The following MOBP variants were observed in gnomAD, a reference collection of about 807,000 sequenced individuals.
The protein encoded by MOBP is myelin-associated oligodendrocyte basic protein.
In MOBP, 5 loss-of-function variants were observed where a neutral mutation model predicts 15.0. That is an observed-to-expected ratio of 0.33 (90% CI 0.17 to 0.70). MOBP has a LOEUF of 0.70. Among genes scored for constraint, MOBP ranks in the 30% least tolerant of loss-of-function variants. The probability of loss-of-function intolerance (pLI) is 0.67; values close to 1 mark genes in which losing one functional copy is unlikely to be tolerated. For synonymous variants in MOBP, 88 were observed against 99.0 expected, an observed-to-expected ratio of 0.89 and a Z score of 0.66; for missense variants, 188 against 257.8, an observed-to-expected ratio of 0.73 and a Z score of 1.85.
intron 1 of MOBP, among the ~76,000 whole-genome samples, chr3:39,469,234 G>GTGTGTGTATATACATATATACATA (rs2042429217): frequency 2.0e-5 from 1 of 48,878 alleles, no homozygotes. Flanking sequence ...ATATACATAT[G>GTGTGTGTATATACATATATACATA]TGTGTGTATA....
intron 1 of MOBP, among the ~76,000 whole-genome samples, chr3:39,478,318 A>T (rs1169560182): frequency 6.6e-6 from 1 of 152,248 alleles, no homozygotes; most frequent in Non-Finnish European, 1.5e-5. Context: ...TACAGTATTC[A>T]GTACAGTTAC....
chr3:39,485,817 C>G (rs923654845), intron 2 of MOBP, among the ~76,000 whole-genome samples: 1 of 152,194 alleles, frequency 6.6e-6, no homozygotes, highest in African/African-American at 2.4e-5. Flanking sequence ...AAGATGGACA[C>G]AAACGATGCT....
At chr3:39,524,065 G>A (rs1430665667) in intron 3 of MOBP, among the ~76,000 whole-genome samples, 2 of 152,210 alleles carry the variant, frequency 1.3e-5, no homozygotes, top group East Asian at 3.8e-4. Flanking sequence ...AAGAGAGGGA[G>A]GGGCTGGGAT....
downstream of MOBP, among the ~76,000 whole-genome samples, chr3:39,504,084 G>C (rs1179384368): frequency 1.3e-5 from 2 of 152,198 alleles, no homozygotes; most frequent in Non-Finnish European, 2.9e-5. Context: ...GAAATGTGGA[G>C]AGTGATAAAT....
At chr3:39,528,290 C>T (rs1378482852), downstream of MOBP, 1 of 152,096 alleles carries the variant, frequency 6.6e-6, no homozygotes, top group Non-Finnish European at 1.5e-5. Flanking sequence ...GAATATGGAA[C>T]AAGCTTATTT....
Position 39,502,605 on chromosome 3 carries a change from G to A in MOBP, c.277G>A (p.Ala93Thr). The change falls in exon 4 of 4, where the codon GCG (alanine) becomes ACG (threonine). Residue 93 changes from alanine (A) to threonine (T), a missense_variant. Ala to Thr is a moderately conservative substitution (Grantham distance 58). Around this residue, in one of 2 missense-constraint regions of MOBP, gnomAD observed 133 missense variants for 212.5 expected, o/e 0.63. Coordinates refer to ENST00000684792, the MANE Select transcript of MOBP (RefSeq NM_001393704.1). The surrounding 1 kb of genome is among the most constrained non-coding windows in gnomAD (Gnocchi z 6.3). ...QPAAPPAVVR[A>T]PAKPRSPPRS... is the part of the protein sequence containing the mutation. ...AGCTGCGCCCCCCGCGGTGGTCAGA[G>A]CGCCAGCCAAGCCACGGTCCCCTCC... is the stretch of plus-strand genomic sequence containing the variant. 1 of 1,563,094 alleles carries A rather than the reference G, an allele frequency of 6.4e-7. No individual in the cohort carries two copies. Among genetic ancestry groups the A allele is most frequent in the Non-Finnish European group, 8.6e-7 (1 of 1,164,040 alleles).
At chr3:39,469,941 T>G (rs758090565) in intron 1 of MOBP, among the ~76,000 whole-genome samples, 1 of 152,240 alleles carries the variant, frequency 6.6e-6, no homozygotes, top group Non-Finnish European at 1.5e-5. Flanking sequence ...GTGACCTGTA[T>G]GTGATCTTAT....
downstream of MOBP, among the ~76,000 whole-genome samples, chr3:39,507,647 C>A (rs2125662840): frequency 6.6e-6 from 1 of 152,306 alleles, no homozygotes; most frequent in South Asian, 2.1e-4. Context: ...TTAGGGCTGG[C>A]TGAGCTGAGC....
At chr3:39,473,191 G>A (rs1038308561) in intron 1 of MOBP, among the ~76,000 whole-genome samples, 1 of 152,210 alleles carries the variant, frequency 6.6e-6, no homozygotes, top group Non-Finnish European at 1.5e-5. Context: ...TGTGCTCTGG[G>A]TGGTTAAGGA....
chr3:39,499,767 C>G (rs1483319993), intron 2 of MOBP: 1 of 308,996 alleles, frequency 3.2e-6, no homozygotes. Flanking sequence ...CTTCACCTGC[C>G]TCATTGCCTG....
chr3:39,472,432 A>C (rs1442737480), intron 1 of MOBP, among the ~76,000 whole-genome samples: 5 of 152,220 alleles, frequency 3.3e-5, no homozygotes, highest in Admixed American at 3.3e-4. Flanking sequence ...GGTTCTGTAC[A>C]TAGTGCTATT....
intron 2 of MOBP, among the ~76,000 whole-genome samples, chr3:39,487,971 GT>G (rs1215438223): frequency 2.6e-5 from 4 of 152,128 alleles, no homozygotes; most frequent in Non-Finnish European, 2.9e-5. Context: ...TTATGATAAA[GT>G]TTTTTTCTAT....
chr3:39,503,971 C>A (rs1422208333), downstream of MOBP, among the ~76,000 whole-genome samples: 4 of 152,156 alleles, frequency 2.6e-5, no homozygotes, highest in East Asian at 1.9e-4. Context: ...ATTCACCCCG[C>A]AAAGGTACAG....
At chr3:39,474,311 G>A (rs60158273) in intron 1 of MOBP, among the ~76,000 whole-genome samples, 3,479 of 152,262 alleles carry the variant, frequency 0.023, 130 homozygotes, top group African/African-American at 0.079. Flanking sequence ...ACACATGGAT[G>A]GCATTAACTT....
chr3:39,494,457 A>G (rs950472795), intron 2 of MOBP, among the ~76,000 whole-genome samples: 1 of 149,902 alleles, frequency 6.7e-6, no homozygotes. Context: ...TATATTTTGC[A>G]GTTTCAAATT....
At chr3:39,506,262 G>A (rs1442445263), downstream of MOBP, among the ~76,000 whole-genome samples, 1 of 152,144 alleles carries the variant, frequency 6.6e-6, no homozygotes, top group East Asian at 1.9e-4. Flanking sequence ...AAAAAGAATA[G>A]TGTAAACTCG....
intron 4 of MOBP, among the ~76,000 whole-genome samples, chr3:39,509,712 A>G (rs889760215): frequency 1.3e-5 from 2 of 152,178 alleles, no homozygotes; most frequent in Admixed American, 6.5e-5. Context: ...TGACAAAGTC[A>G]AATTTATCAA....
Position 39,502,973 on chromosome 3 carries a change from CT to C in MOBP, c.*95del. 1.6e-6 allele frequency: 1 copy of C among 630,322 alleles called. No homozygotes were observed. The highest frequency in any genetic ancestry group is 2.7e-6 in the Non-Finnish European group (1 of 366,478). 39.0% of individuals were successfully genotyped at this position (630,322 alleles called of 1,614,324 possible). ...GGCTGTCTCCATGGCCCTCTTCAGC[CT>C]TATTACCCAACCTGTGTAATCAGCT... On this transcript the variant is annotated 3_prime_UTR_variant, in exon 4 of 4. Transcript: ENST00000684792. This position sits in a 1 kb window ranked among gnomAD's most constrained non-coding sequence, Gnocchi z 6.3.
At chr3:39,484,194 A>G (rs562209375) in intron 2 of MOBP, among the ~76,000 whole-genome samples, 1 of 152,236 alleles carries the variant, frequency 6.6e-6, no homozygotes. Flanking sequence ...GTTAAGGATG[A>G]ATAGGTATTT....
Sources: gnomAD v4.1 joint callset for allele counts (sites outside exome capture counted in the v4.1 genomes callset) on GRCh38, gnomAD v4.1.1 for gene constraint, gnomAD v4.1.1 regional missense constraint, Gnocchi (gnomAD v3.1) non-coding constraint, MANE v1.5 for transcripts, NCBI Gene and HGNC (gene_info 2026-07-23, HGNC 2026-07-21) for gene names.